Variants in WDPCP observed in about 807,000 individuals in gnomAD.
WDPCP encodes WD repeat containing planar cell polarity effector.
In WDPCP, 71 loss-of-function variants were observed where a neutral mutation model predicts 93.1. The ratio of observed to expected loss-of-function variants is 0.76; its 90% CI spans 0.63 to 0.93. The LOEUF (loss-of-function observed/expected upper bound fraction) is 0.93, where lower values mean the gene tolerates loss of function less well. WDPCP is among the 40% of genes least tolerant of loss of function. The pLI, the probability that WDPCP is intolerant of heterozygous loss-of-function variation, is 0.00. For synonymous variants in WDPCP, 315 were observed against 315.0 expected (o/e 1.00, Z 0.00); for missense variants, 844 against 887.4 (o/e 0.95, Z 0.62).
At chr2:63,367,549 C>A (rs1462445996) in intron 12 of WDPCP, among the ~76,000 whole-genome samples, 1 of 152,052 alleles carries the variant, frequency 6.6e-6, no homozygotes, top group Non-Finnish European at 1.5e-5. Flanking sequence ...TAGCAAGACA[C>A]TGGAAATTGT....
At chr2:63,671,736 AT>A (rs1374166171) in intron 2 of WDPCP, among the ~76,000 whole-genome samples, 1 of 152,086 alleles carries the variant, frequency 6.6e-6, no homozygotes, top group Non-Finnish European at 1.5e-5. Context: ...TTAATCCCAA[AT>A]TGGTACCTGC....
rs975657646 is a variant in WDPCP, at chr2:63,515,090, G to C, written c.76-22150C>G. 3.3e-5 allele frequency among the ~76,000 whole-genome samples: 5 copies of C among 152,078 alleles called. No individual in the cohort carries two copies. The Middle Eastern group carries it at 0.01, about 312-fold the overall frequency. Reference sequence around the variant, plus strand: ...ATTTTTTCAATAGGTAATAAATACTGTTTGTCAGTTATTTTCTAATGAAAA... The same window carrying C: ...ATTTTTTCAATAGGTAATAAATACTCTTTGTCAGTTATTTTCTAATGAAAA... On this transcript the variant is annotated intron_variant, in intron 1 of 17. Coordinates refer to ENST00000272321, the MANE Select transcript of WDPCP (RefSeq NM_015910.7).
At position 63,395,713 on chromosome 2, in the gene WDPCP, T is replaced by C. The variant is rs1558570329; in HGVS notation, c.1435+8335A>G. ...TGGTAATCATGAGGGTATATACATTTGTCAAAACTCATTGAACTGTACTTT... is the reference window on the plus strand; with the variant it reads ...TGGTAATCATGAGGGTATATACATTCGTCAAAACTCATTGAACTGTACTTT... On this transcript the variant is annotated intron_variant, in intron 10 of 17. Transcript: ENST00000272321. Among the ~76,000 whole-genome samples, 2 of 152,138 alleles carry C rather than the reference T, an allele frequency of 1.3e-5. 1 individual carries two copies. The highest frequency in any genetic ancestry group is 3.9e-4 in the East Asian group (2 of 5,190).
At chr2:63,193,608 T>A (rs1272514645) in intron 14 of WDPCP, among the ~76,000 whole-genome samples, 1 of 152,214 alleles carries the variant, frequency 6.6e-6, no homozygotes, top group East Asian at 1.9e-4. Context: ...TAGCTCAGCC[T>A]CCTGGGTAGT....
At chr2:63,138,454 CTTTTT>C (rs770979974) in intron 17 of WDPCP, among the ~76,000 whole-genome samples, 1 of 133,714 alleles carries the variant, frequency 7.5e-6, no homozygotes. Context: ...TGAGTAAGTT[CTTTTT>C]TTTTTTTTTT....
intron 1 of WDPCP, among the ~76,000 whole-genome samples, chr2:63,566,151 G>A (rs892217397): frequency 6.6e-5 from 10 of 151,992 alleles, no homozygotes; most frequent in Middle Eastern, 3.2e-3. Context: ...GTTTTTATAC[G>A]TCTGTGAAAA....
intron 2 of WDPCP, among the ~76,000 whole-genome samples, chr2:63,702,369 T>C (rs200340213): frequency 6.6e-6 from 1 of 152,200 alleles, no homozygotes; most frequent in African/African-American, 2.4e-5. Context: ...TTACACTGAA[T>C]TGATCTTTAC....
At chr2:63,769,528 T>A (rs1670195188) in intron 2 of WDPCP, among the ~76,000 whole-genome samples, 1 of 151,942 alleles carries the variant, frequency 6.6e-6, no homozygotes, top group African/African-American at 2.4e-5. Context: ...ATAGAAGAGA[T>A]TGGCCTGTGT....
chr2:63,450,720 T>C (rs1363739209), intron 6 of WDPCP, among the ~76,000 whole-genome samples: 1 of 152,060 alleles, frequency 6.6e-6, no homozygotes, highest in African/African-American at 2.4e-5. Flanking sequence ...ACTGAGGAAA[T>C]CACAGATACC....
intron 9 of WDPCP, among the ~76,000 whole-genome samples, chr2:63,419,612 G>A (rs1303226260): frequency 6.6e-6 from 1 of 152,096 alleles, no homozygotes; most frequent in African/African-American, 2.4e-5. Context: ...ATCAAAGATG[G>A]AAGAAAAATA....
At chr2:63,318,855 C>G (rs149636064) in intron 12 of WDPCP, among the ~76,000 whole-genome samples, 27 of 152,224 alleles carry the variant, frequency 1.8e-4, no homozygotes, top group Admixed American at 3.9e-4. Flanking sequence ...ATGAAATAAG[C>G]TGTACACCAG....
intron 1 of WDPCP, among the ~76,000 whole-genome samples, chr2:63,546,320 G>A (rs2106331013): frequency 6.6e-6 from 1 of 152,328 alleles, no homozygotes; most frequent in East Asian, 1.9e-4. Context: ...CAGTAATGTA[G>A]TTTTTAAATT....
intron 17 of WDPCP, among the ~76,000 whole-genome samples, chr2:63,140,434 C>T (rs752187635): frequency 5.3e-5 from 8 of 152,098 alleles, no homozygotes; most frequent in Non-Finnish European, 8.8e-5. Flanking sequence ...TTGATTCTAC[C>T]CATTCATGAG....
chr2:63,805,065 A>G (rs1670744763), intron 2 of WDPCP, among the ~76,000 whole-genome samples: 2 of 152,208 alleles, frequency 1.3e-5, no homozygotes, highest in Non-Finnish European at 2.9e-5. Flanking sequence ...AGTCCATGCC[A>G]GGGTGTCTCT....
intron 10 of WDPCP, among the ~76,000 whole-genome samples, chr2:63,392,025 GA>G (rs1342392660): frequency 6.6e-6 from 1 of 152,078 alleles, no homozygotes; most frequent in African/African-American, 2.4e-5. Flanking sequence ...CACAGAATTG[GA>G]AAAAACTACT....
At chr2:63,462,153 T>C (rs536638103) in intron 6 of WDPCP, among the ~76,000 whole-genome samples, 6 of 152,224 alleles carry the variant, frequency 3.9e-5, no homozygotes, top group Non-Finnish European at 7.3e-5. Flanking sequence ...ATATACATCA[T>C]GGAGTACTAT....
intron 14 of WDPCP, among the ~76,000 whole-genome samples, chr2:63,238,368 A>T (rs1434731679): frequency 6.6e-6 from 1 of 152,148 alleles, no homozygotes; most frequent in East Asian, 1.9e-4. Context: ...GGCTCATGTG[A>T]CTGGGGAACT....
At chr2:63,592,251 A>G (rs577174171), upstream of WDPCP, among the ~76,000 whole-genome samples, 4 of 152,310 alleles carry the variant, frequency 2.6e-5, 1 homozygote, top group African/African-American at 9.6e-5. Context: ...ACTAATGACA[A>G]TTTTGTTAGC....
intron 12 of WDPCP, among the ~76,000 whole-genome samples, chr2:63,376,508 A>C (rs895535364): frequency 6.6e-6 from 1 of 151,642 alleles, no homozygotes; most frequent in Non-Finnish European, 1.5e-5. Context: ...AAATCACTGC[A>C]TAAAATCTCA....
Sources: gnomAD v4.1 joint callset for allele counts (sites outside exome capture counted in the v4.1 genomes callset) on GRCh38, gnomAD v4.1.1 for gene constraint, MANE v1.5 for transcripts, NCBI Gene and HGNC (gene_info 2026-07-23, HGNC 2026-07-21) for gene names.